The following AGAP1 variants were observed in gnomAD, a reference collection of about 807,000 sequenced individuals.
The protein encoded by AGAP1 is arf-GAP with GTPase, ANK repeat and PH domain-containing protein 1.
In AGAP1, 29 loss-of-function variants were observed where a neutral mutation model predicts 105.3. The observed-to-expected ratio is 0.28, with a 90% CI of 0.21 to 0.38. AGAP1 has a LOEUF of 0.38. AGAP1 is among the 10% of genes least tolerant of loss of function. The pLI is 1.00. For synonymous variants in AGAP1, 509 were observed against 485.9 expected, an observed-to-expected ratio of 1.05 and a Z score of -0.63; for missense variants, 998 against 1,165.1, an observed-to-expected ratio of 0.86 and a Z score of 2.09.
At chr2:235,755,415 A>G (rs936562106) in intron 6 of AGAP1, among the ~76,000 whole-genome samples, 2 of 152,176 alleles carry the variant, frequency 1.3e-5, no homozygotes, top group Non-Finnish European at 2.9e-5. Flanking sequence ...CCATGTAGAC[A>G]TTGTTCCTCT....
intron 16 of AGAP1, among the ~76,000 whole-genome samples, chr2:236,065,699 C>T (rs998895008): frequency 5.9e-5 from 9 of 152,210 alleles, no homozygotes; most frequent in African/African-American, 2.2e-4. Flanking sequence ...TCATCTCCAT[C>T]ATCCTTTTAA....
intron 6 of AGAP1, among the ~76,000 whole-genome samples, chr2:235,771,993 T>A (rs1364445554): frequency 7.1e-6 from 1 of 140,568 alleles, no homozygotes; most frequent in Non-Finnish European, 1.6e-5. Flanking sequence ...TTTTTTCTTT[T>A]CTTATCTTTT....
rs112892497 is a variant in AGAP1, at chr2:235,760,721, C to T, written c.673+10233C>T. On this transcript the variant is annotated intron_variant, in intron 6 of 17. Transcript: ENST00000304032. ...CTACCTCAGTCTCCTGAGTAGCTAG[C>T]GCTACTGGTGCATGCCACCATGCCC... Among the ~76,000 whole-genome samples the T allele has an allele frequency of 6.1e-3, 930 of 152,250 alleles. 11 individuals carry two copies. Among genetic ancestry groups the T allele is most frequent in the Non-Finnish European group, 7.0e-3 (478 of 68,012 alleles).
At chr2:235,814,548 G>A (rs138547273) in intron 9 of AGAP1, among the ~76,000 whole-genome samples, 1 of 152,272 alleles carries the variant, frequency 6.6e-6, no homozygotes, top group Non-Finnish European at 1.5e-5. Flanking sequence ...CTCTGCTACG[G>A]CTGGAGGAGG....
chr2:235,765,740 T>G (rs146460607), intron 6 of AGAP1, among the ~76,000 whole-genome samples: 41 of 152,328 alleles, frequency 2.7e-4, no homozygotes, highest in African/African-American at 9.1e-4. Context: ...GTCTGTGAAT[T>G]CTGGAGTTTC....
rs1206976718 is a variant in AGAP1 at position 235,690,906 on chromosome 2, G to T, written c.164-18273G>T. On this transcript the variant is annotated intron_variant, in intron 1 of 17. Transcript: ENST00000304032. This position sits in a 1 kb window ranked among gnomAD's most constrained non-coding sequence, Gnocchi z 4.1. ...CTAAATCCAGCCATATAAATACTTC[G>T]GATCTGGCCTGAGGGTTTGGCAGGG... 6.6e-6 allele frequency among the ~76,000 whole-genome samples: 1 copy of T among 151,964 alleles called. No homozygotes were observed. Among genetic ancestry groups the T allele is most frequent in the South Asian group, 2.1e-4 (1 of 4,804 alleles).
rs1463375633 is a variant in AGAP1, at chr2:235,842,723, TTTTTGTTTTG to T, written c.1050+35402_1050+35411del. Among the ~76,000 whole-genome samples the T allele has an allele frequency of 6.6e-6, 1 of 151,752 alleles. No homozygotes were observed. Among genetic ancestry groups the T allele is most frequent in the East Asian group, 1.9e-4 (1 of 5,178 alleles). On this transcript the variant is annotated intron_variant, in intron 9 of 17. Transcript: ENST00000304032. The surrounding 1 kb of genome is among the most constrained non-coding windows in gnomAD (Gnocchi z 5.3). ...TTCATCCCATGTGTCAGGTTTGTTT[TTTTTGTTTTG>T]TTTTGTTTTTTTGAGATGGAGTCTC...
chr2:236,026,100 A>G (rs1354543578), intron 13 of AGAP1, among the ~76,000 whole-genome samples: 6 of 152,312 alleles, frequency 3.9e-5, no homozygotes, highest in Admixed American at 2.6e-4. Context: ...TTTCCTTCCC[A>G]TGGAGAGGGC....
At chr2:236,023,256 A>T (rs534541063) in intron 13 of AGAP1, among the ~76,000 whole-genome samples, 39 of 152,282 alleles carry the variant, frequency 2.6e-4, no homozygotes, top group Non-Finnish European at 5.0e-4. Context: ...CTGTTTTTAA[A>T]AGAAAAGGAG....
intron 16 of AGAP1, among the ~76,000 whole-genome samples, chr2:236,063,116 C>G (rs2058249799): frequency 6.6e-6 from 1 of 151,764 alleles, no homozygotes; most frequent in Non-Finnish European, 1.5e-5. Context: ...TTTTTTGAGC[C>G]AGAGTCTTGC....
intron 1 of AGAP1, among the ~76,000 whole-genome samples, chr2:235,704,293 T>G (rs1184475911): frequency 6.6e-6 from 1 of 152,230 alleles, no homozygotes; most frequent in Non-Finnish European, 1.5e-5. Flanking sequence ...TAGCAAATTT[T>G]GAAAAATTGA....
intron 12 of AGAP1, among the ~76,000 whole-genome samples, chr2:235,938,358 C>T (rs1476254960): frequency 6.6e-6 from 1 of 152,212 alleles, no homozygotes; most frequent in African/African-American, 2.4e-5. Flanking sequence ...AAGCTGTTCT[C>T]CTGCCCACCC....
Position 235,535,962 on chromosome 2 carries a change from TC to T in AGAP1, c.163+41115del, listed in dbSNP as rs1943201811. On this transcript the variant is annotated intron_variant, in intron 1 of 17. Transcript: ENST00000304032. The surrounding 1 kb of genome is among the most constrained non-coding windows in gnomAD (Gnocchi z 5.1). ...CGTAAGGCCCCTCGCCCCATCTGCT[TC>T]CTGCTCTCCCAGAGCCGGCCTCACC... Among the ~76,000 whole-genome samples, 1 of 151,916 alleles carries T rather than the reference TC, an allele frequency of 6.6e-6. No individual in the cohort carries two copies. The highest frequency in any genetic ancestry group is 1.5e-5 in the Non-Finnish European group (1 of 68,006).
rs1382576350 is a variant in AGAP1 at position 236,083,721 on chromosome 2, A to T, written c.2114+34440A>T. On this transcript the variant is annotated intron_variant, in intron 16 of 17. Coordinates refer to ENST00000304032, the MANE Select transcript of AGAP1 (RefSeq NM_001037131.3). The surrounding 1 kb of genome is among the most constrained non-coding windows in gnomAD (Gnocchi z 5.3). Reference sequence around the variant, plus strand: ...GAAGATTTTTTTTTAATACCTTAAAAATACTGCACATTAAGTCTGTTTTTT... The same window carrying T: ...GAAGATTTTTTTTTAATACCTTAAATATACTGCACATTAAGTCTGTTTTTT... Among the ~76,000 whole-genome samples, 1 of 152,206 alleles carries T rather than the reference A, an allele frequency of 6.6e-6. No homozygotes were observed. The highest frequency in any genetic ancestry group is 6.5e-5 in the Admixed American group (1 of 15,278).
chr2:236,023,518 A>C (rs1013110087), intron 13 of AGAP1, among the ~76,000 whole-genome samples: 3 of 152,142 alleles, frequency 2.0e-5, no homozygotes, highest in African/African-American at 7.2e-5. Flanking sequence ...CATCGGTGGT[A>C]ATGTGTTCAC....
intron 11 of AGAP1, among the ~76,000 whole-genome samples, chr2:235,925,353 C>T (rs1022951860): frequency 6.6e-6 from 1 of 152,134 alleles, no homozygotes; most frequent in Non-Finnish European, 1.5e-5. Context: ...ACCCCAGCTT[C>T]ATATCTTACT....
rs891846627 is a variant in AGAP1, at chr2:235,970,490, G to A, written c.1645+1867G>A. Among the ~76,000 whole-genome samples the A allele has an allele frequency of 1.3e-5, 2 of 152,054 alleles. No homozygotes were observed. The highest frequency in any genetic ancestry group is 4.8e-5 in the African/African-American group (2 of 41,404). Reference sequence around the variant, plus strand: ...AGGGTGGGCAGCCTGTACCCTCCACGCCCCTAAGGTGCACACACAGGGGCG... The same window carrying A: ...AGGGTGGGCAGCCTGTACCCTCCACACCCCTAAGGTGCACACACAGGGGCG... On this transcript the variant is annotated intron_variant, in intron 13 of 17. Transcript: ENST00000304032. The surrounding 1 kb of genome is among the most constrained non-coding windows in gnomAD (Gnocchi z 5.4).
intron 9 of AGAP1, among the ~76,000 whole-genome samples, chr2:235,827,026 A>G (rs116658814): frequency 0.027 from 4,116 of 152,212 alleles, 166 homozygotes; most frequent in African/African-American, 0.094. Context: ...CATCCTAAGC[A>G]GGGCAAGGAG....
intron 1 of AGAP1, among the ~76,000 whole-genome samples, chr2:235,672,103 C>T (rs1430126246): frequency 6.6e-6 from 1 of 152,036 alleles, no homozygotes; most frequent in Admixed American, 6.6e-5. Context: ...TTGGCTGGTA[C>T]AGATAAAGGT....
Sources: gnomAD v4.1 joint callset for allele counts (sites outside exome capture counted in the v4.1 genomes callset) on GRCh38, gnomAD v4.1.1 for gene constraint, Gnocchi (gnomAD v3.1) non-coding constraint, MANE v1.5 for transcripts, NCBI Gene and HGNC (gene_info 2026-07-23, HGNC 2026-07-21) for gene names.